The following SEM1 variants were observed in gnomAD, a reference collection of about 807,000 sequenced individuals.
SEM1 encodes the protein SEM1 26S proteasome subunit.
Under a neutral mutation model 12.7 loss-of-function variants are expected in SEM1, and 3 were observed. That is an observed-to-expected ratio of 0.24 (90% CI 0.11 to 0.61). SEM1 has a LOEUF of 0.61. Ranked by LOEUF, SEM1 falls within the 20% of genes least tolerant of loss-of-function variation. The probability of loss-of-function intolerance (pLI) is 0.88; values close to 1 mark genes in which losing one functional copy is unlikely to be tolerated. For missense variants in SEM1, 59 were observed against 81.3 expected (o/e 0.73, Z 1.06); for synonymous variants, 30 against 27.8 (o/e 1.08, Z -0.25).
intron 2 of SEM1, among the ~76,000 whole-genome samples, chr7:96,631,297 G>C (rs1808251111): frequency 6.6e-6 from 1 of 152,188 alleles, no homozygotes; most frequent in African/African-American, 2.4e-5. Flanking sequence ...AGTTTAGACT[G>C]CTGGGGGTCA....
At chr7:96,630,728 G>T (rs1477075127) in intron 2 of SEM1, among the ~76,000 whole-genome samples, 1 of 152,186 alleles carries the variant, frequency 6.6e-6, no homozygotes, top group East Asian at 1.9e-4. Flanking sequence ...CACCAGATTT[G>T]GGAATAGGCT....
chr7:96,692,539 C>T (rs933059264), intron 2 of SEM1, among the ~76,000 whole-genome samples: 4 of 152,038 alleles, frequency 2.6e-5, no homozygotes, highest in Non-Finnish European at 5.9e-5. Flanking sequence ...TCTAATGTGG[C>T]TCATTTTTTG....
chr7:96,567,303 T>G (rs188148821), intron 2 of SEM1, among the ~76,000 whole-genome samples: 8 of 151,568 alleles, frequency 5.3e-5, no homozygotes, highest in African/African-American at 1.9e-4. Context: ...TCGTATTACA[T>G]TTTATCATTT....
chr7:96,609,103 T>A (rs1229818705), intron 2 of SEM1, among the ~76,000 whole-genome samples: 2 of 152,202 alleles, frequency 1.3e-5, no homozygotes, highest in African/African-American at 2.4e-5. Context: ...TTGTCAGCAC[T>A]TATTATCTTT....
intron 2 of SEM1, among the ~76,000 whole-genome samples, chr7:96,547,201 G>A (rs1303312558): frequency 6.6e-6 from 1 of 152,090 alleles, no homozygotes; most frequent in Non-Finnish European, 1.5e-5. Context: ...TAGAATTGAT[G>A]CTTCTTATAT....
intron 3 of SEM1, chr7:96,484,017 G>T: frequency 6.8e-7 from 1 of 1,471,648 alleles, no homozygotes; most frequent in Non-Finnish European, 9.0e-7. Flanking sequence ...AATGCTGTGG[G>T]CCAGGAATCA....
chr7:96,622,881 G>C, intron 2 of SEM1: 1 of 497,886 alleles, frequency 2.0e-6, no homozygotes. Context: ...AGTGAGCTCT[G>C]CATGGAATAC....
chr7:96,669,706 A>G (rs1244719863), downstream of SEM1, among the ~76,000 whole-genome samples: 1 of 152,178 alleles, frequency 6.6e-6, no homozygotes, highest in African/African-American at 2.4e-5. Flanking sequence ...TCATGGAGTG[A>G]TATCTGTCTA....
chr7:96,649,060 C>G (rs1395283226), intron 2 of SEM1: 1 of 152,258 alleles, frequency 6.6e-6, no homozygotes, highest in African/African-American at 2.4e-5. Context: ...AAGTCCCCCT[C>G]GCTATTGGGT....
chr7:96,536,422 A>G (rs1262469469), intron 2 of SEM1, among the ~76,000 whole-genome samples: 2 of 151,922 alleles, frequency 1.3e-5, no homozygotes, highest in African/African-American at 4.8e-5. Flanking sequence ...ATAGATATCA[A>G]TGAAATCAAG....
At chr7:96,483,820 C>A in exon 4 of SEM1, 1 of 1,535,984 alleles carries the variant, frequency 6.5e-7, no homozygotes, top group Non-Finnish European at 8.7e-7. Flanking sequence ...GATGTGGGCA[C>A]CATATGACCA....
intron 2 of SEM1, among the ~76,000 whole-genome samples, chr7:96,555,281 G>A (rs1424755225): frequency 6.6e-6 from 1 of 152,046 alleles, no homozygotes; most frequent in African/African-American, 2.4e-5. Flanking sequence ...TAATTGTGAT[G>A]TTAGGGTGTC....
chr7:96,634,497 G>A (rs1364130698), intron 2 of SEM1, among the ~76,000 whole-genome samples: 1 of 151,216 alleles, frequency 6.6e-6, no homozygotes, highest in Non-Finnish European at 1.5e-5. Context: ...GAATATGGTA[G>A]ACAAGAGTCT....
At chr7:96,522,724 C>A (rs893945752) in intron 2 of SEM1, among the ~76,000 whole-genome samples, 8 of 50,000 alleles carry the variant, frequency 1.6e-4, no homozygotes, top group African/African-American at 3.9e-4. Flanking sequence ...CTAAAAATAC[C>A]CCCCCCCCAA....
intron 3 of SEM1, among the ~76,000 whole-genome samples, chr7:96,484,233 T>C (rs970017457): frequency 6.6e-6 from 1 of 152,194 alleles, no homozygotes. Flanking sequence ...AGTGTACTCA[T>C]GTAGCCACTG....
chr7:96,580,119 CT>C (rs1487572448), intron 2 of SEM1, among the ~76,000 whole-genome samples: 3 of 122,262 alleles, frequency 2.5e-5, no homozygotes, highest in African/African-American at 9.2e-5. Flanking sequence ...TCCCTCCCCC[CT>C]CCCCCCACCC....
At chr7:96,489,994 AG>A in intron 1 of SEM1, among the ~76,000 whole-genome samples, 1 of 152,238 alleles carries the variant, frequency 6.6e-6, no homozygotes, top group East Asian at 1.9e-4. Context: ...TGAATTGTGC[AG>A]GGGCATTGTG....
At chr7:96,544,883 G>A (rs1805060069) in intron 2 of SEM1, among the ~76,000 whole-genome samples, 1 of 151,968 alleles carries the variant, frequency 6.6e-6, no homozygotes, top group South Asian at 2.1e-4. Context: ...TGAGTAGGCT[G>A]AAGAGGAAGA....
intron 2 of SEM1, among the ~76,000 whole-genome samples, chr7:96,516,515 A>G (rs939564219): frequency 1.3e-5 from 2 of 152,318 alleles, no homozygotes; most frequent in South Asian, 2.1e-4. Context: ...GGAAGTGTAA[A>G]TTAAAACAAC....
Sources: allele counts gnomAD v4.1 joint callset (sites outside exome capture counted in the v4.1 genomes callset), GRCh38; gene constraint gnomAD v4.1.1; transcripts MANE v1.5; gene names NCBI Gene and HGNC (gene_info 2026-07-23, HGNC 2026-07-21).